The following NUP43 variants were observed in gnomAD, a reference collection of about 807,000 sequenced individuals.
NUP43 encodes the protein nucleoporin Nup43.
NUP43 carries 32 observed loss-of-function variants against 47.3 expected under a neutral mutation model. That is an observed-to-expected ratio of 0.68 (90% CI 0.51 to 0.91). NUP43 has a LOEUF of 0.91. Ranked by LOEUF, NUP43 falls within the 40% of genes least tolerant of loss-of-function variation. The probability of loss-of-function intolerance (pLI) is 0.00; values close to 1 mark genes in which losing one functional copy is unlikely to be tolerated. For synonymous variants in NUP43, 147 were observed against 158.4 expected, an observed-to-expected ratio of 0.93 and a Z score of 0.54; for missense variants, 444 against 453.9, an observed-to-expected ratio of 0.98 and a Z score of 0.20.
upstream of NUP43, chr6:149,746,657 C>T (rs1786030237): frequency 6.4e-7 from 1 of 1,564,834 alleles, no homozygotes; most frequent in Non-Finnish European, 8.7e-7. Flanking sequence ...CAGTCAGTAC[C>T]TAGACTGAGA....
Position 149,736,472 on chromosome 6 carries a change from T to G in NUP43, c.789A>C (p.Glu263Asp), listed in dbSNP as rs1239527298. Residue 263 changes from glutamate (E) to aspartate (D), a missense_variant and splice_region_variant, in exon 6 of 8, where the codon GAA becomes GAC. Transcript: ENST00000340413. ...TTTCTGTATCTTCACAATACTTACT[T>G]TCAGCTTCATGAGCCTTCAGCAGAG... The part of the protein sequence containing the change: ...PVSLLKAHEA[E>D]MWEVHFHPSN... The G allele has an allele frequency of 6.3e-7, 1 of 1,576,040 alleles. No individual in the cohort carries two copies. The highest frequency in any genetic ancestry group is 8.7e-7 in the Non-Finnish European group (1 of 1,150,434).
chr6:149,732,325 C>T (rs1165533343), intron 6 of NUP43, among the ~76,000 whole-genome samples: 5 of 151,806 alleles, frequency 3.3e-5, no homozygotes, highest in South Asian at 2.1e-4. Context: ...GTGGGTGGAT[C>T]ACTTGAGGTC....
intron 7 of NUP43, chr6:149,728,230 A>T: frequency 2.0e-6 from 2 of 981,848 alleles, no homozygotes; most frequent in Non-Finnish European, 2.4e-6. Flanking sequence ...TATATGTTTT[A>T]CTTTTTCACA....
intron 6 of NUP43, among the ~76,000 whole-genome samples, chr6:149,734,691 G>A (rs1785227941): frequency 6.6e-6 from 1 of 151,364 alleles, no homozygotes; most frequent in African/African-American, 2.4e-5. Flanking sequence ...CCAGCTACTA[G>A]GGAGGCTGAG....
chr6:149,743,546 G>T, intron 3 of NUP43, 92 bp downstream of exon 3: 2 of 733,004 alleles, frequency 2.7e-6, no homozygotes, highest in Non-Finnish European at 4.6e-6. Flanking sequence ...GGTGAGCCGA[G>T]ACTGCGCCAC....
chr6:149,749,254 G>T (rs1357849830), upstream of NUP43: 1 of 154,424 alleles, frequency 6.5e-6, no homozygotes, highest in Non-Finnish European at 1.4e-5. Context: ...GGCCTTTGTC[G>T]TTGGGTTTTA....
upstream of NUP43, among the ~76,000 whole-genome samples, chr6:149,747,500 C>G (rs1429736921): frequency 6.7e-6 from 1 of 149,944 alleles, no homozygotes; most frequent in East Asian, 2.0e-4. Context: ...ATTGGCCAGG[C>G]TGGTCTCGAA....
intron 5 of NUP43, 108 bp downstream of exon 5, chr6:149,738,535 C>T (rs1246830302): frequency 9.2e-6 from 7 of 762,634 alleles, no homozygotes; most frequent in Non-Finnish European, 1.3e-5. Flanking sequence ...CAGGGATCTC[C>T]CTCTTAAAAT....
chr6:149,738,931 G>A (rs375604401), intron 4 of NUP43, among the ~76,000 whole-genome samples, 153 bp from the exon 5 acceptor site: 3 of 151,490 alleles, frequency 2.0e-5, no homozygotes, highest in East Asian at 1.9e-4. Flanking sequence ...TAATGTATAT[G>A]TTTAAATGGA....
chr6:149,731,331 AG>A (rs1421131722), intron 7 of NUP43: 1 of 225,360 alleles, frequency 4.4e-6, no homozygotes, highest in Non-Finnish European at 8.9e-6. Flanking sequence ...AGGCTGAGGC[AG>A]GCGGATCATT....
chr6:149,733,126 T>C (rs1042128325), intron 6 of NUP43, among the ~76,000 whole-genome samples: 1 of 152,044 alleles, frequency 6.6e-6, no homozygotes, highest in Non-Finnish European at 1.5e-5. Flanking sequence ...CATTAATATA[T>C]GAAGATTATA....
At position 149,745,858 on chromosome 6, in the gene NUP43, GACA is replaced by G. The variant is rs1003059614; in HGVS notation, c.243+79_243+81del. On this transcript the variant is annotated intron_variant, in intron 2 of 7. Transcript: ENST00000340413. ...TTTCTGTAAACGAGGGGTGACACCA[GACA>G]ACTTTTATGATGCTCTGCTTGTTTA... is the stretch of plus-strand genomic sequence containing the variant. 9 of 1,289,536 alleles carry G rather than the reference GACA, an allele frequency of 7.0e-6. No homozygotes were observed. The African/African-American group carries it at 1.2e-4, about 17-fold the overall frequency. The allele number at this position is 1,289,536 out of a possible 1,614,324, so 79.9% of individuals were successfully genotyped here.
At position 149,726,655 on chromosome 6, in the gene NUP43, C is replaced by T; in HGVS notation, c.*314G>A. ...ACCATTGATGTGTTAATTCCCACAA[C>T]ATCAAAAATAAAGAATTAGTTCCAC... On this transcript the variant is annotated 3_prime_UTR_variant, in exon 8 of 8. Transcript: ENST00000340413. 2.9e-6 allele frequency: 1 copy of T among 340,394 alleles called. No homozygotes were observed. Among genetic ancestry groups the T allele is most frequent in the South Asian group, 3.1e-5 (1 of 31,756 alleles). 21.1% of individuals were successfully genotyped at this position (340,394 alleles called of 1,614,324 possible).
chr6:149,748,328 C>CA (rs952206738), upstream of NUP43, among the ~76,000 whole-genome samples: 3 of 150,996 alleles, frequency 2.0e-5, no homozygotes, highest in African/African-American at 4.9e-5. Flanking sequence ...CAATCAAAAG[C>CA]AAAAAAACAA....
At position 149,726,956 on chromosome 6, in the gene NUP43, AATT is replaced by A; in HGVS notation, c.*10_*12del. On this transcript the variant is annotated 3_prime_UTR_variant, in exon 8 of 8. Transcript: ENST00000340413. Reference sequence around the variant, plus strand: ...TTGCATGTTCTATCTGAAATCTTATAATTATAGTACTTCTACGAAAAAAGATGT... The same window carrying A: ...TTGCATGTTCTATCTGAAATCTTATAATAGTACTTCTACGAAAAAAGATGT... 1 of 1,593,810 alleles carries A rather than the reference AATT, an allele frequency of 6.3e-7. No individual in the cohort carries two copies. The highest frequency in any genetic ancestry group is 8.6e-7 in the Non-Finnish European group (1 of 1,162,374).
At chr6:149,741,674 T>C (rs898615866) in intron 4 of NUP43, among the ~76,000 whole-genome samples, 1 of 151,366 alleles carries the variant, frequency 6.6e-6, no homozygotes, top group Non-Finnish European at 1.5e-5. Flanking sequence ...CCCAGCTTAT[T>C]TTTGTTATTT....
intron 5 of NUP43, among the ~76,000 whole-genome samples, chr6:149,738,084 A>T (rs1785460183): frequency 6.6e-6 from 1 of 152,200 alleles, no homozygotes; most frequent in Non-Finnish European, 1.5e-5. Flanking sequence ...ACAATTATTC[A>T]TTTTCACTTC....
intron 6 of NUP43, among the ~76,000 whole-genome samples, chr6:149,735,965 CCT>C (rs895528137): frequency 7.4e-6 from 1 of 136,038 alleles, no homozygotes; most frequent in Non-Finnish European, 1.6e-5. Context: ...AGAACCAGAC[CCT>C]GTCTCTTTAA....
At position 149,725,446 on chromosome 6, in the gene NUP43, G is replaced by C. The variant is rs1327480452; in HGVS notation, c.*1523C>G. The C allele has an allele frequency of 6.6e-6, 1 of 152,210 alleles. No individual in the cohort carries two copies. Among genetic ancestry groups the C allele is most frequent in the Non-Finnish European group, 1.5e-5 (1 of 68,070 alleles). 9.4% of individuals were successfully genotyped at this position (152,210 alleles called of 1,614,324 possible). A position where few individuals can be genotyped will look rare whatever the true frequency, so the allele number is the denominator to read the frequency against. On this transcript the variant is annotated 3_prime_UTR_variant, in exon 8 of 8. Coordinates refer to ENST00000340413, the MANE Select transcript of NUP43 (RefSeq NM_198887.3). Reference sequence around the variant, plus strand: ...TCTACTAAAAATACAAAAATTAGCTGGGTGTGGTGGTGAGCACCTGTAATC... The same window carrying C: ...TCTACTAAAAATACAAAAATTAGCTCGGTGTGGTGGTGAGCACCTGTAATC...
Sources: gnomAD v4.1 joint callset for allele counts (sites outside exome capture counted in the v4.1 genomes callset) on GRCh38, gnomAD v4.1.1 for gene constraint, MANE v1.5 for transcripts, NCBI Gene and HGNC (gene_info 2026-07-23, HGNC 2026-07-21) for gene names.